Variants in RPP38 observed in about 807,000 individuals in gnomAD.
RPP38 encodes ribonuclease P protein subunit p38.
RPP38 carries 2 observed loss-of-function variants against 1.7 expected under a neutral mutation model. The ratio of observed to expected loss-of-function variants is 1.18; its 90% CI spans 0.48 to 3.70. RPP38 has a LOEUF of 3.70. Among genes scored for constraint, RPP38 ranks in the 30% most tolerant of loss-of-function variants. RPP38 has a pLI of 0.07. For synonymous variants in RPP38, 151 were observed against 131.8 expected (o/e 1.15, Z -1.00); for missense variants, 358 against 340.1 (o/e 1.05, Z -0.41).
chr10:15,098,637 C>G (rs921335057), intron 1 of RPP38, among the ~76,000 whole-genome samples: 14 of 151,308 alleles, frequency 9.3e-5, no homozygotes, highest in Non-Finnish European at 2.1e-4. Context: ...CCTGTAGTCC[C>G]AGCACTTTGG....
chr10:15,101,007 GC>G (rs1358020939), intron 1 of RPP38, among the ~76,000 whole-genome samples: 2 of 152,188 alleles, frequency 1.3e-5, no homozygotes, highest in Non-Finnish European at 2.9e-5. Context: ...AAGCACAGAT[GC>G]CCAGGCCTTA....
Position 15,103,760 on chromosome 10 carries a change from A to G in RPP38, c.446A>G (p.Gln149Arg). The change falls in exon 3 of 3, where the codon CAG (glutamine) becomes CGG (arginine). Residue 149 changes from glutamine to arginine, a missense_variant. Physicochemically the swap from Gln to Arg is conservative, Grantham distance 43 (BLOSUM62 1). Transcript: ENST00000378197. ...GCCATGATCACCTCACACTTGATTC[A>G]GTTAAGCCTAAGCAGAAGTGTCCCT... ...KPAMITSHLI[Q>R]LSLSRSVPAC... is the part of the protein sequence containing the mutation. The G allele has an allele frequency of 6.2e-7, 1 of 1,614,016 alleles. No homozygotes were observed. The highest frequency in any genetic ancestry group is 8.5e-7 in the Non-Finnish European group (1 of 1,180,028).
rs1391430014 is a variant in RPP38, at chr10:15,103,831, G to T, written c.517G>T (p.Gly173Cys). 11 of 1,614,090 alleles carry T rather than the reference G, an allele frequency of 6.8e-6. No homozygotes were observed. The highest frequency in any genetic ancestry group is 9.3e-6 in the Non-Finnish European group (11 of 1,180,030). Residue 173 changes from glycine (G) to cysteine (C), a missense_variant, in exon 3 of 3, where the codon GGC becomes TGC. Transcript: ENST00000378197. Reference protein sequence around the residue: ...RLSERIAPVIGLKCVLALAFK... With the variant: ...RLSERIAPVICLKCVLALAFK... ...CAGTGAGAGAATCGCCCCCGTCATTGGCTTAAAATGTGTTCTAGCCTTGGC... is the reference window on the plus strand; with the variant it reads ...CAGTGAGAGAATCGCCCCCGTCATTTGCTTAAAATGTGTTCTAGCCTTGGC...
intron 1 of RPP38, among the ~76,000 whole-genome samples, chr10:15,100,411 A>G (rs961001852): frequency 7.2e-5 from 11 of 152,116 alleles, no homozygotes; most frequent in African/African-American, 2.7e-4. Context: ...CTAGGGGAGC[A>G]TAGAGATAAT....
intron 1 of RPP38, among the ~76,000 whole-genome samples, chr10:15,100,098 C>T (rs72774395): frequency 0.017 from 2,601 of 152,262 alleles, 35 homozygotes; most frequent in Non-Finnish European, 0.025. Context: ...GATTATATTG[C>T]GTGAGATTAT....
Position 15,103,935 on chromosome 10 carries a change from G to C in RPP38, c.621G>C (p.Trp207Cys). Residue 207 changes from tryptophan to cysteine, a missense_variant, in exon 3 of 3, where the codon TGG becomes TGC. By Grantham distance (215) the Trp-to-Cys change is radical. Coordinates refer to ENST00000378197, the MANE Select transcript of RPP38 (RefSeq NM_183005.5). ...GAGTCCCCAGTTTAAGTGTACCATG[G>C]CTTCAAGACAGAATTGAAGATTCTG... is the stretch of plus-strand genomic sequence containing the variant. ...IPRVPSLSVP[W>C]LQDRIEDSGE... The C allele has an allele frequency of 6.2e-7, 1 of 1,614,160 alleles. No individual in the cohort carries two copies. The highest frequency in any genetic ancestry group is 8.5e-7 in the Non-Finnish European group (1 of 1,180,030).
rs1589267677 is a variant in RPP38 at position 15,097,572 on chromosome 10, C to G, written c.-324C>G. 1 of 152,420 alleles carries G rather than the reference C, an allele frequency of 6.6e-6. No homozygotes were observed. Among genetic ancestry groups the G allele is most frequent in the South Asian group, 2.1e-4 (1 of 4,836 alleles). The allele number at this position is 152,420 out of a possible 1,614,324, so 9.4% of individuals were successfully genotyped here. ...GGACCCGCCGCCCTCCCGGTTGGGC[C>G]GCCCAGTCCCGGGCCGGGCGCGTGC... On this transcript the variant is annotated 5_prime_UTR_variant, in exon 1 of 3. Transcript: ENST00000378197.
chr10:15,103,493 T>C lies in RPP38; in HGVS notation c.179T>C (p.Ile60Thr), dbSNP rs940023316. ...DRLKAIGLQK[I>T]EDKKKKNKTP... is the part of the protein sequence containing the mutation. ...CTTAAAGCTATTGGACTTCAGAAGATTGAAGATAAGAAGAAAAAGAACAAA... is the reference window on the plus strand; with the variant it reads ...CTTAAAGCTATTGGACTTCAGAAGACTGAAGATAAGAAGAAAAAGAACAAA... Residue 60 changes from isoleucine (I) to threonine (T), a missense_variant, in exon 3 of 3, where the codon ATT becomes ACT. Ile to Thr is a moderately conservative substitution (Grantham distance 89). Coordinates refer to ENST00000378197, the MANE Select transcript of RPP38 (RefSeq NM_183005.5). The C allele has an allele frequency of 1.1e-5, 17 of 1,613,768 alleles. No homozygotes were observed. The highest frequency in any genetic ancestry group is 2.2e-5 in the East Asian group (1 of 44,874).
chr10:15,098,058 G>T (rs907723723), intron 1 of RPP38, among the ~76,000 whole-genome samples: 4 of 152,038 alleles, frequency 2.6e-5, no homozygotes, highest in African/African-American at 9.7e-5. Context: ...GATCCACAAA[G>T]ATCTATAACG....
In RPP38 at chr10:15,103,346, G is replaced by C; in HGVS notation, c.32G>C (p.Gly11Ala). 6.3e-7 allele frequency: 1 copy of C among 1,595,466 alleles called. No homozygotes were observed. Among genetic ancestry groups the C allele is most frequent in the Non-Finnish European group, 8.5e-7 (1 of 1,172,474 alleles). MAAAPQAPGR[G>A]SLRKTRPLVV... ...GCAGCTCCTCAAGCACCGGGGCGGG[G>C]ATCTCTCCGTAAGACGAGACCTCTG... The change falls in exon 3 of 3, where the codon GGA becomes GCA. Residue 11 changes from glycine (G) to alanine (A), a missense_variant. Physicochemically the swap from Gly to Ala is moderately conservative, Grantham distance 60. Coordinates refer to ENST00000378197, the MANE Select transcript of RPP38 (RefSeq NM_183005.5).
chr10:15,099,354 G>A (rs546685499), intron 1 of RPP38, among the ~76,000 whole-genome samples: 3 of 152,274 alleles, frequency 2.0e-5, no homozygotes, highest in African/African-American at 7.2e-5. Flanking sequence ...TTTAGGCGGG[G>A]CATGGTAGCT....
intron 1 of RPP38, among the ~76,000 whole-genome samples, chr10:15,099,290 GCC>G (rs1291653956): frequency 6.6e-6 from 1 of 151,636 alleles, no homozygotes; most frequent in Non-Finnish European, 1.5e-5. Flanking sequence ...GAGAAAGAGG[GCC>G]TAAGTGGGAG....
In RPP38 at chr10:15,103,425, G is replaced by C. The variant is rs369278180; in HGVS notation, c.111G>C (p.Glu37Asp). 22 of 1,614,128 alleles carry C rather than the reference G, an allele frequency of 1.4e-5. No homozygotes were observed. In the African/African-American group the frequency reaches 2.7e-4, roughly 20 times the overall value. Residue 37 changes from glutamate to aspartate, a missense_variant, in exon 3 of 3, where the codon GAG becomes GAC. Glu to Asp is a conservative substitution (Grantham distance 45). Coordinates refer to ENST00000378197, the MANE Select transcript of RPP38 (RefSeq NM_183005.5). The stretch of plus-strand genomic sequence containing the variant: ...ACATCATCCGCTGGAGCGCTCTGGA[G>C]AGCGAGGATATGCACTTCATCCTAC... ...NPYIIRWSAL[E>D]SEDMHFILQT...
In RPP38 at chr10:15,101,250, C is replaced by T. The variant is rs147799322; in HGVS notation, c.-129-968C>T. Reference sequence around the variant, plus strand: ...TACATGGAGAGAGTGCTTTATACAGCGATACACTGCACAGACACACTTGCC... The same window carrying T: ...TACATGGAGAGAGTGCTTTATACAGTGATACACTGCACAGACACACTTGCC... On this transcript the variant is annotated intron_variant, in intron 1 of 2. Coordinates refer to ENST00000378197, the MANE Select transcript of RPP38 (RefSeq NM_183005.5). Among the ~76,000 whole-genome samples, 554 of 152,268 alleles carry T rather than the reference C, an allele frequency of 3.6e-3. 3 individuals are homozygous for T. Among genetic ancestry groups the T allele is most frequent in the African/African-American group, 0.013 (524 of 41,552 alleles).
chr10:15,100,572 T>C (rs953574869), intron 1 of RPP38, among the ~76,000 whole-genome samples: 1 of 151,786 alleles, frequency 6.6e-6, no homozygotes, highest in Non-Finnish European at 1.5e-5. Flanking sequence ...GGGAAGAATA[T>C]CAGAGACCAA....
intron 2 of RPP38, chr10:15,102,909 C>T (rs59135563): frequency 0.018 from 2,855 of 158,922 alleles, 85 homozygotes; most frequent in African/African-American, 0.064. Flanking sequence ...GAGTACAGGC[C>T]GGGCGCAGTG....
intron 2 of RPP38, 75 bp from the exon 3 acceptor site, chr10:15,103,230 A>G: frequency 3.2e-6 from 4 of 1,231,240 alleles, no homozygotes; most frequent in Non-Finnish European, 3.4e-6. Context: ...ATCAGAGAGT[A>G]CAGTCAAGAT....
At chr10:15,098,226 GTTT>G (rs60451551) in intron 1 of RPP38, among the ~76,000 whole-genome samples, 7 of 88,004 alleles carry the variant, frequency 8.0e-5, no homozygotes, top group African/African-American at 3.6e-4. Context: ...ATTTGAACGT[GTTT>G]TTTTTTTTTT....
chr10:15,097,608 T>G lies in RPP38; in HGVS notation c.-288T>G, dbSNP rs886358938. ...GGGCCGGGCGCGTGCACCCAGAGCT[T>G]CCGCGTTTCTAGTCCGGCTCCTCTG... On this transcript the variant is annotated 5_prime_UTR_variant, in exon 1 of 3. Coordinates refer to ENST00000378197, the MANE Select transcript of RPP38 (RefSeq NM_183005.5). 3.9e-5 allele frequency: 6 copies of G among 152,404 alleles called. No homozygotes were observed. Among genetic ancestry groups the G allele is most frequent in the Admixed American group, 3.3e-4 (5 of 15,306 alleles). The allele number at this position is 152,404 out of a possible 1,614,324, so 9.4% of individuals were successfully genotyped here. A position where few individuals can be genotyped will look rare whatever the true frequency, so the allele number is the denominator to read the frequency against.
Sources: gnomAD v4.1 joint callset for allele counts (sites outside exome capture counted in the v4.1 genomes callset) on GRCh38, gnomAD v4.1.1 for gene constraint, MANE v1.5 for transcripts, NCBI Gene and HGNC (gene_info 2026-07-23, HGNC 2026-07-21) for gene names.